The following RARB variants were observed in gnomAD, a reference collection of about 807,000 sequenced individuals.
RARB encodes the protein HBV-activated protein.
Under a neutral mutation model 51.9 loss-of-function variants are expected in RARB, and 17 were observed. The observed-to-expected ratio is 0.33, with a 90% confidence interval of 0.22 to 0.49. The LOEUF (loss-of-function observed/expected upper bound fraction) is 0.49. Ranked by LOEUF, RARB falls within the 20% of genes least tolerant of loss-of-function variation. RARB has a pLI of 0.99. For synonymous variants in RARB, 215 were observed against 195.4 expected (o/e 1.10, Z -0.84); for missense variants, 369 against 550.8 (o/e 0.67, Z 3.30).
chr3:25,158,322 GA>G (rs2125345017), intron 4 of RARB, among the ~76,000 whole-genome samples: 1 of 152,258 alleles, frequency 6.6e-6, no homozygotes, highest in Admixed American at 6.5e-5. Flanking sequence ...TAATCACTTA[GA>G]AATATTATTT....
At chr3:25,349,236 C>T (rs1425711882) in intron 5 of RARB, among the ~76,000 whole-genome samples, 4 of 152,134 alleles carry the variant, frequency 2.6e-5, no homozygotes. Flanking sequence ...CAGCATGTTT[C>T]CCCAGGGTGA....
At chr3:25,443,603 A>G (rs2125532581) in intron 1 of RARB, among the ~76,000 whole-genome samples, 1 of 145,702 alleles carries the variant, frequency 6.9e-6, no homozygotes, top group Non-Finnish European at 1.5e-5. Context: ...ACAGACAGAC[A>G]GTCCATCTAA....
At position 25,498,789 on chromosome 3, in the gene RARB, T is replaced by C. The variant is rs189667963; in HGVS notation, c.307-2393T>C. 6.6e-5 allele frequency among the ~76,000 whole-genome samples: 10 copies of C among 152,316 alleles called. No individual in the cohort carries two copies. The East Asian group carries it at 1.9e-3, about 29-fold the overall frequency. ...ATATAAAAGACCATGTTTTCCATTG[T>C]GTTAATGTTTCTCGGCAGAAGAGCG... On this transcript the variant is annotated intron_variant, in intron 2 of 7. Coordinates refer to ENST00000330688, the MANE Select transcript of RARB (RefSeq NM_000965.5).
At chr3:25,349,278 A>C (rs906461712) in intron 5 of RARB, among the ~76,000 whole-genome samples, 1 of 152,198 alleles carries the variant, frequency 6.6e-6, no homozygotes, top group Non-Finnish European at 1.5e-5. Context: ...TTTCCTTTGC[A>C]TAAAACTAGG....
At chr3:25,222,489 G>T (rs1278855600) in intron 5 of RARB, among the ~76,000 whole-genome samples, 2 of 151,996 alleles carry the variant, frequency 1.3e-5, no homozygotes, top group African/African-American at 4.8e-5. Context: ...ATGATTCATA[G>T]CTGATATAAT....
At chr3:25,006,132 T>C (rs1380305526) in intron 2 of RARB, among the ~76,000 whole-genome samples, 1 of 152,146 alleles carries the variant, frequency 6.6e-6, no homozygotes, top group Non-Finnish European at 1.5e-5. Context: ...AGAAAGACCT[T>C]TCCTGACCAC....
In RARB at chr3:24,866,402, T is replaced by C. The variant is rs149450291; in HGVS notation, c.-380+7650T>C. Among the ~76,000 whole-genome samples, 4 of 152,228 alleles carry C rather than the reference T, an allele frequency of 2.6e-5. No individual in the cohort carries two copies. In the East Asian group the frequency reaches 7.7e-4, roughly 29 times the overall value. ...GCCTCATAAACTATTTAAACTGACA[T>C]GTATACAGGGAAAGAAGCTAATGAC... On this transcript the variant is annotated intron_variant, in intron 2 of 11. Transcript: ENST00000383772.
At chr3:25,558,919 C>G (rs1482172001) in intron 3 of RARB, among the ~76,000 whole-genome samples, 6 of 152,130 alleles carry the variant, frequency 3.9e-5, no homozygotes, top group Non-Finnish European at 7.4e-5. Context: ...TATCTCCCCA[C>G]TTCTCTTTGT....
chr3:25,440,476 T>TA (rs1322161324), intron 1 of RARB, among the ~76,000 whole-genome samples: 21 of 149,554 alleles, frequency 1.4e-4, no homozygotes, highest in Non-Finnish European at 2.8e-4. Context: ...GAAATTTATT[T>TA]AAAAAAAAAA....
At chr3:25,323,364 C>T (rs1168147343) in intron 5 of RARB, among the ~76,000 whole-genome samples, 2 of 152,164 alleles carry the variant, frequency 1.3e-5, no homozygotes, top group African/African-American at 4.8e-5. Flanking sequence ...AAAGAACAGC[C>T]TACCACAATA....
intron 5 of RARB, among the ~76,000 whole-genome samples, chr3:25,190,300 C>T (rs1390150208): frequency 1.3e-5 from 2 of 152,036 alleles, no homozygotes; most frequent in Non-Finnish European, 2.9e-5. Flanking sequence ...GCCCATACCC[C>T]AGGCAGATAC....
intron 3 of RARB, among the ~76,000 whole-genome samples, chr3:25,063,424 C>A (rs1168671030): frequency 6.6e-6 from 1 of 151,986 alleles, no homozygotes; most frequent in Non-Finnish European, 1.5e-5. Flanking sequence ...GTTTGCTTTC[C>A]ATCCTATTTC....
intron 5 of RARB, among the ~76,000 whole-genome samples, chr3:25,252,583 A>C (rs1238771013): frequency 2.6e-5 from 4 of 152,180 alleles, no homozygotes; most frequent in Non-Finnish European, 5.9e-5. Flanking sequence ...GCTTATTCCG[A>C]ACTATTTTAT....
chr3:25,099,471 A>G (rs1009116944), intron 3 of RARB, among the ~76,000 whole-genome samples: 1 of 152,074 alleles, frequency 6.6e-6, no homozygotes, highest in Admixed American at 6.6e-5. Context: ...TTACCGGGGG[A>G]AAAAGTTCAT....
At chr3:25,124,321 C>A (rs1559474937) in intron 3 of RARB, among the ~76,000 whole-genome samples, 1 of 152,254 alleles carries the variant, frequency 6.6e-6, no homozygotes, top group East Asian at 1.9e-4. Context: ...TTGCAGAGAG[C>A]CAAGATCATG....
intron 2 of RARB, among the ~76,000 whole-genome samples, chr3:24,924,912 A>G (rs1695286015): frequency 6.6e-6 from 1 of 152,092 alleles, no homozygotes; most frequent in African/African-American, 2.4e-5. Flanking sequence ...GCTTAAGATG[A>G]TGCCTGGCAC....
intron 3 of RARB, among the ~76,000 whole-genome samples, chr3:25,062,877 G>A (rs1019901238): frequency 3.3e-5 from 5 of 151,830 alleles, no homozygotes; most frequent in African/African-American, 1.2e-4. Flanking sequence ...TAAATACATG[G>A]GAAAATTCAA....
In RARB at chr3:24,931,713, T is replaced by A. The variant is rs1695444250; in HGVS notation, c.-380+72961T>A. On this transcript the variant is annotated intron_variant, in intron 2 of 11. Transcript: ENST00000383772. ...GCACCTGTGCACATGTGTTCACACC[T>A]GTTTATGGCAATTTCATAGTCTATG... Among the ~76,000 whole-genome samples, 3 of 152,268 alleles carry A rather than the reference T, an allele frequency of 2.0e-5. No homozygotes were observed. In the South Asian group the frequency reaches 6.2e-4, roughly 32 times the overall value.
intron 3 of RARB, among the ~76,000 whole-genome samples, chr3:25,124,276 A>G (rs1699828708): frequency 6.6e-6 from 1 of 152,138 alleles, no homozygotes; most frequent in South Asian, 2.1e-4. Flanking sequence ...TGGGAGGCTG[A>G]GACAGGAGGA....
Sources: gnomAD v4.1 joint callset for allele counts (sites outside exome capture counted in the v4.1 genomes callset) on GRCh38, gnomAD v4.1.1 for gene constraint, MANE v1.5 for transcripts, NCBI Gene and HGNC (gene_info 2026-07-23, HGNC 2026-07-21) for gene names.